The following MPZL3 variants were observed in gnomAD, a reference collection of about 807,000 sequenced individuals.
The protein encoded by MPZL3 is myelin protein zero-like protein 3.
A neutral mutation model predicts 24.8 loss-of-function variants in MPZL3; 23 were observed. The observed-to-expected ratio is 0.93, with a 90% confidence interval of 0.67 to 1.31. The LOEUF (loss-of-function observed/expected upper bound fraction) is 1.31. MPZL3 is among the 40% of genes most tolerant of loss of function. The probability of loss-of-function intolerance (pLI) is 0.00; values close to 1 mark genes in which losing one functional copy is unlikely to be tolerated. For missense variants in MPZL3, 277 were observed against 294.9 expected (o/e 0.94, Z 0.44); for synonymous variants, 99 against 106.5 (o/e 0.93, Z 0.44).
Position 118,252,199 on chromosome 11 carries a change from G to A in MPZL3, c.73+23C>T, listed in dbSNP as rs1420260455. On this transcript the variant is annotated intron_variant, in intron 1 of 5. Coordinates refer to ENST00000278949, the MANE Select transcript of MPZL3 (RefSeq NM_198275.3). Reference sequence around the variant, plus strand: ...CCCTAACCCCCCGGCCGGAAGTGGAGCGTAGCCAGCCGGAGCACTCACCCT... The same window carrying A: ...CCCTAACCCCCCGGCCGGAAGTGGAACGTAGCCAGCCGGAGCACTCACCCT... The A allele has an allele frequency of 3.1e-6, 5 of 1,612,664 alleles. No homozygotes were observed. The South Asian group carries it at 4.4e-5, about 14-fold the overall frequency.
At chr11:118,233,388 T>C in intron 5 of MPZL3, 72 bp downstream of exon 5, 1 of 1,522,686 alleles carries the variant, frequency 6.6e-7, no homozygotes, top group Non-Finnish European at 9.1e-7. Flanking sequence ...TCTGAGGGCA[T>C]AGGATGGATC....
chr11:118,250,857 T>C (rs929355503), intron 1 of MPZL3, among the ~76,000 whole-genome samples: 4 of 152,178 alleles, frequency 2.6e-5, no homozygotes, highest in Non-Finnish European at 5.9e-5. Context: ...AGTGCTGGGA[T>C]TACAGGCAAG....
At chr11:118,235,182 G>T (rs1466701176) in intron 4 of MPZL3, among the ~76,000 whole-genome samples, 1 of 152,184 alleles carries the variant, frequency 6.6e-6, no homozygotes, top group Non-Finnish European at 1.5e-5. Context: ...TGTACAATCT[G>T]ATTTCCAAAG....
intron 1 of MPZL3, 94 bp downstream of exon 1, chr11:118,252,128 G>A (rs1408546732): frequency 5.6e-6 from 7 of 1,257,310 alleles, no homozygotes; most frequent in South Asian, 2.4e-5. Context: ...CTATGCGGGG[G>A]CTTTCTGGAG....
At chr11:118,230,601 A>G (rs1440633244) in intron 5 of MPZL3, among the ~76,000 whole-genome samples, 1 of 152,054 alleles carries the variant, frequency 6.6e-6, no homozygotes, top group Non-Finnish European at 1.5e-5. Context: ...TCTCTAGTCT[A>G]TTTATTCTCC....
At chr11:118,240,608 A>C (rs1376216615) in intron 1 of MPZL3, among the ~76,000 whole-genome samples, 1 of 152,168 alleles carries the variant, frequency 6.6e-6, no homozygotes, top group Non-Finnish European at 1.5e-5. Flanking sequence ...TTGTGTAAAA[A>C]TTTAAAATCT....
intron 5 of MPZL3, among the ~76,000 whole-genome samples, chr11:118,232,670 AT>A (rs1192943145): frequency 6.6e-6 from 1 of 152,178 alleles, no homozygotes; most frequent in Admixed American, 6.5e-5. Context: ...AAAGGTTGGT[AT>A]TAGGTCCTCT....
Position 118,252,336 on chromosome 11 carries a change from C to T in MPZL3, c.-42G>A, listed in dbSNP as rs952314215. The T allele has an allele frequency of 4.4e-6, 7 of 1,597,130 alleles. 1 individual carries two copies. The South Asian group carries it at 4.4e-5, about 10-fold the overall frequency. On this transcript the variant is annotated 5_prime_UTR_variant, in exon 1 of 6. Transcript: ENST00000278949. Reference sequence around the variant, plus strand: ...ATGCTTGCACACCTTGTTTACAGCTCCCGGTAACGACACAGGTAACACCGG... The same window carrying T: ...ATGCTTGCACACCTTGTTTACAGCTTCCGGTAACGACACAGGTAACACCGG...
intron 2 of MPZL3, 92 bp from the exon 3 acceptor site, chr11:118,237,352 T>C (rs1224116989): frequency 3.5e-6 from 4 of 1,153,898 alleles, no homozygotes; most frequent in Admixed American, 2.1e-5. Flanking sequence ...TACAACTGTA[T>C]AATGGTGTGT....
chr11:118,238,776 C>T lies in MPZL3; in HGVS notation c.240+1435G>A, dbSNP rs193015267. ...CACGCAGGCATAGTCCCTACTCTCA[C>T]GGAACTTACATTTTAGTGATAAAGA... On this transcript the variant is annotated intron_variant, in intron 2 of 5. Coordinates refer to ENST00000278949, the MANE Select transcript of MPZL3 (RefSeq NM_198275.3). 2.1e-3 allele frequency among the ~76,000 whole-genome samples: 316 copies of T among 152,212 alleles called. 2 individuals carry two copies. Among genetic ancestry groups the T allele is most frequent in the African/African-American group, 7.4e-3 (309 of 41,516 alleles).
At chr11:118,246,141 T>C (rs903484835) in intron 1 of MPZL3, among the ~76,000 whole-genome samples, 3 of 152,230 alleles carry the variant, frequency 2.0e-5, no homozygotes, top group Non-Finnish European at 4.4e-5. Flanking sequence ...TATCTAATGC[T>C]ATTCTTTTCT....
At chr11:118,245,806 AC>A (rs1303693582) in intron 1 of MPZL3, among the ~76,000 whole-genome samples, 1 of 152,164 alleles carries the variant, frequency 6.6e-6, no homozygotes, top group Middle Eastern at 3.2e-3. Context: ...CAGCTAAAAA[AC>A]ATTTACAATG....
intron 1 of MPZL3, among the ~76,000 whole-genome samples, chr11:118,247,101 T>C (rs1014949123): frequency 2.6e-5 from 4 of 152,224 alleles, no homozygotes; most frequent in African/African-American, 9.6e-5. Context: ...AGGAAATAAA[T>C]ATCCTGATCT....
intron 1 of MPZL3, among the ~76,000 whole-genome samples, chr11:118,248,832 T>TA (rs895937876): frequency 1.3e-5 from 2 of 152,160 alleles, no homozygotes. Context: ...TTAAATGGAA[T>TA]AAAACCAACT....
At position 118,233,498 on chromosome 11, in the gene MPZL3, A is replaced by C; in HGVS notation, c.643T>G (p.Cys215Gly). ...CAACGGACACAAAGCCTCGCCATAC[A>C]CGCCTCTTCCTCCTCCTGATCAGTG... ...DDTDQEEEEA[C>G]MARLCVRCAE... The change falls in exon 5 of 6, where the codon TGT becomes GGT. Residue 215 changes from cysteine to glycine, a missense_variant. Coordinates refer to ENST00000278949, the MANE Select transcript of MPZL3 (RefSeq NM_198275.3). 1 of 1,612,554 alleles carries C rather than the reference A, an allele frequency of 6.2e-7. No homozygotes were observed. Among genetic ancestry groups the C allele is most frequent in the Non-Finnish European group, 8.5e-7 (1 of 1,179,870 alleles).
In MPZL3 at chr11:118,237,142, A is replaced by G. The variant is rs1164525662; in HGVS notation, c.359T>C (p.Ile120Thr). 1.4e-5 allele frequency: 23 copies of G among 1,613,952 alleles called. No homozygotes were observed. The highest frequency in any genetic ancestry group is 1.6e-5 in the Non-Finnish European group (19 of 1,179,978). The change falls in exon 3 of 6, where the codon ATA (isoleucine) becomes ACA (threonine). Residue 120 changes from isoleucine to threonine, a missense_variant. Ile to Thr is a moderately conservative substitution (Grantham distance 89). Coordinates refer to ENST00000278949, the MANE Select transcript of MPZL3 (RefSeq NM_198275.3). ...DASISISNPTIKDNGTFSCAV... is the reference protein window; with the variant it reads ...DASISISNPTTKDNGTFSCAV... ...ACAGCTGAATGTCCCATTGTCCTTT[A>G]TGGTAGGGTTGCTTATACTTATAGA...
At position 118,240,365 on chromosome 11, in the gene MPZL3, A is replaced by G; in HGVS notation, c.86T>C (p.Val29Ala). Residue 29 changes from valine (V) to alanine (A), a missense_variant, in exon 2 of 6, where the codon GTC becomes GCC. Physicochemically the swap from Val to Ala is moderately conservative, Grantham distance 64 (BLOSUM62 0). Coordinates refer to ENST00000278949, the MANE Select transcript of MPZL3 (RefSeq NM_198275.3). ...GVLFFQGVYIVFSLEIRADAH... is the reference protein window; with the variant it reads ...GVLFFQGVYIAFSLEIRADAH... ...ATCTGCACGAATCTCCAAGGAAAAGACGATATAAACACCTAATCAAAGCAA... is the reference window on the plus strand; with the variant it reads ...ATCTGCACGAATCTCCAAGGAAAAGGCGATATAAACACCTAATCAAAGCAA... 1 of 1,605,728 alleles carries G rather than the reference A, an allele frequency of 6.2e-7. No homozygotes were observed. Among genetic ancestry groups the G allele is most frequent in the South Asian group, 1.1e-5 (1 of 89,198 alleles).
chr11:118,237,104 G>C lies in MPZL3; in HGVS notation c.397C>G (p.Pro133Ala), dbSNP rs1249080349. Residue 133 changes from proline (P) to alanine (A), a missense_variant, in exon 3 of 6, where the codon CCC (proline) becomes GCC (alanine). Physicochemically the swap from Pro to Ala is conservative, Grantham distance 27 (BLOSUM62 -1). Transcript: ENST00000278949. ...GGAATATTATGATGCACATCTGGGG[G>C]ATTCTTCACAGCACAGCTGAATGTC... The part of the protein sequence containing the change: ...NGTFSCAVKN[P>A]PDVHHNIPMT... 1 of 1,613,964 alleles carries C rather than the reference G, an allele frequency of 6.2e-7. No homozygotes were observed.
chr11:118,230,443 A>G (rs1476842908), intron 5 of MPZL3, among the ~76,000 whole-genome samples: 1 of 152,172 alleles, frequency 6.6e-6, no homozygotes, highest in African/African-American at 2.4e-5. Context: ...GAATTGAATG[A>G]GGCAATATAT....
Sources: allele counts gnomAD v4.1 joint callset (sites outside exome capture counted in the v4.1 genomes callset), GRCh38; gene constraint gnomAD v4.1.1; transcripts MANE v1.5; gene names NCBI Gene and HGNC (gene_info 2026-07-23, HGNC 2026-07-21).